Variants in RPS19 observed in about 807,000 individuals in gnomAD.
The protein encoded by RPS19 is small ribosomal subunit protein eS19.
A neutral mutation model predicts 20.3 loss-of-function variants in RPS19; 1 was observed. The ratio of observed to expected loss-of-function variants is 0.05; its 90% confidence interval spans 0.02 to 0.23. RPS19 has a LOEUF of 0.23. RPS19 is among the 10% of genes least tolerant of loss of function. RPS19 has a pLI of 1.00. For synonymous variants in RPS19, 87 were observed against 74.8 expected, an observed-to-expected ratio of 1.16 and a Z score of -0.84; for missense variants, 111 against 192.7, an observed-to-expected ratio of 0.58 and a Z score of 2.51.
In RPS19 at chr19:41,871,661, G is replaced by A; in HGVS notation, c.*284G>A. On this transcript the variant is annotated 3_prime_UTR_variant, in exon 6 of 6. Coordinates refer to ENST00000598742, the MANE Select transcript of RPS19 (RefSeq NM_001022.4). ...CTTCCCTTGGGTGAGGGGGCCCAGG[G>A]TGATTGGGTGGCTGTTTACCCGGCA... The A allele has an allele frequency of 2.3e-6, 1 of 437,792 alleles. No homozygotes were observed. The highest frequency in any genetic ancestry group is 4.2e-6 in the Non-Finnish European group (1 of 238,652). 27.1% of individuals were successfully genotyped at this position (437,792 alleles called of 1,614,324 possible).
At chr19:41,870,574 CAGTG>C (rs141340575) in intron 5 of RPS19, among the ~76,000 whole-genome samples, 3,083 of 152,188 alleles carry the variant, frequency 0.02, 110 homozygotes, top group African/African-American at 0.069. Context: ...AGTGAGGAGT[CAGTG>C]AGCTATAGTA....
chr19:41,871,775 G>A lies in RPS19; in HGVS notation c.*398G>A, dbSNP rs908837887. On this transcript the variant is annotated 3_prime_UTR_variant, in exon 6 of 6. Transcript: ENST00000598742. ...CTTGTGGCTCACTCCCCCACATCCT[G>A]TCTTTGCAATTGTCAGAAAGTGAGA... 2 of 242,702 alleles carry A rather than the reference G, an allele frequency of 8.2e-6. No individual in the cohort carries two copies. Among genetic ancestry groups the A allele is most frequent in the East Asian group, 2.1e-4 (2 of 9,358 alleles). 15.0% of individuals were successfully genotyped at this position (242,702 alleles called of 1,614,324 possible). A position where few individuals can be genotyped will look rare whatever the true frequency, so the allele number is the denominator to read the frequency against.
intron 1 of RPS19, 50 bp from the exon 2 acceptor site, chr19:41,860,725 G>A (rs782701061): frequency 1.5e-6 from 2 of 1,371,462 alleles, no homozygotes; most frequent in Non-Finnish European, 2.1e-6. Flanking sequence ...CGTGCTCTTG[G>A]CAGTCGTCTC....
At chr19:41,863,080 G>A (rs1052446552) in intron 3 of RPS19, among the ~76,000 whole-genome samples, 2 of 152,200 alleles carry the variant, frequency 1.3e-5, no homozygotes, top group Non-Finnish European at 1.5e-5. Context: ...TTGGAGTGCA[G>A]TGGCACAATT....
chr19:41,861,381 A>G, intron 3 of RPS19, 169 bp downstream of exon 3: 1 of 642,596 alleles, frequency 1.6e-6, no homozygotes, highest in South Asian at 1.7e-5. Flanking sequence ...TGGTACTCCA[A>G]GTTTTTATGA....
At chr19:41,868,883 G>A in intron 3 of RPS19, 148 bp from the exon 4 acceptor site, 1 of 824,336 alleles carries the variant, frequency 1.2e-6, no homozygotes, top group South Asian at 1.7e-5. Flanking sequence ...GGTGGGTGAG[G>A]AGAGGGGGCT....
intron 4 of RPS19, 143 bp downstream of exon 4, chr19:41,869,357 C>A: frequency 1.2e-6 from 1 of 815,738 alleles, no homozygotes; most frequent in Non-Finnish European, 1.9e-6. Flanking sequence ...TGCAGAAAAG[C>A]AAACAGCACG....
chr19:41,868,462 G>A (rs181488137), intron 3 of RPS19, among the ~76,000 whole-genome samples: 47 of 152,328 alleles, frequency 3.1e-4, no homozygotes, highest in African/African-American at 8.9e-4. Flanking sequence ...GCGTGCAAGC[G>A]TTTCTGGGGA....
rs1555839086 is a variant in RPS19 at position 41,860,861 on chromosome 19, G to A, written c.71+16G>A. ...TCCTCAAAAAGTGAGTTTGGGGACT[G>A]AGGTTCAAAACGGGTGGAGGCTGTC... On this transcript the variant is annotated intron_variant, in intron 2 of 5. Transcript: ENST00000598742. 1 of 1,609,132 alleles carries A rather than the reference G, an allele frequency of 6.2e-7. No homozygotes were observed. Among genetic ancestry groups the A allele is most frequent in the African/African-American group, 1.3e-5 (1 of 74,828 alleles).
chr19:41,862,618 CTG>C (rs1392957647), intron 3 of RPS19, among the ~76,000 whole-genome samples: 1 of 149,242 alleles, frequency 6.7e-6, no homozygotes, highest in Non-Finnish European at 1.5e-5. Flanking sequence ...CAAAGTAGGA[CTG>C]TATGTGTCTT....
At chr19:41,867,841 G>A (rs2074106186) in intron 3 of RPS19, among the ~76,000 whole-genome samples, 1 of 152,210 alleles carries the variant, frequency 6.6e-6, no homozygotes, top group African/African-American at 2.4e-5. Flanking sequence ...CTAATACGGT[G>A]TAAATAATTG....
In RPS19 at chr19:41,869,759, G is replaced by T. The variant is rs138397598; in HGVS notation, c.411+6G>T. On this transcript the variant is annotated splice_donor_region_variant and intron_variant, in intron 5 of 5. Coordinates refer to ENST00000598742, the MANE Select transcript of RPS19 (RefSeq NM_001022.4). ...TGGACAGAATCGCCGGACAGGTAAG[G>T]CCTGCGTTTGGGGTGGGGCTGGGTC... 3 of 1,613,924 alleles carry T rather than the reference G, an allele frequency of 1.9e-6. No homozygotes were observed. The highest frequency in any genetic ancestry group is 1.3e-5 in the African/African-American group (1 of 74,936).
intron 3 of RPS19, among the ~76,000 whole-genome samples, chr19:41,865,758 C>G (rs1335846104): frequency 6.6e-6 from 1 of 150,820 alleles, no homozygotes; most frequent in African/African-American, 2.4e-5. Context: ...ACCATCCTGG[C>G]TAACATGGTG....
rs782271090 is a variant in RPS19, at chr19:41,861,087, G to A, written c.72-25G>A. The stretch of plus-strand genomic sequence containing the variant: ...TAGTTTGTGGAGATGACTGAATCGT[G>A]CTTTTCCCACTGTTTTGGTCTTAGG... On this transcript the variant is annotated intron_variant, in intron 2 of 5. Transcript: ENST00000598742. 3.4e-5 allele frequency: 54 copies of A among 1,580,444 alleles called. 1 individual carries two copies. The highest frequency in any genetic ancestry group is 4.7e-5 in the Non-Finnish European group (54 of 1,149,770).
chr19:41,867,461 C>T (rs1383111946), intron 3 of RPS19, among the ~76,000 whole-genome samples: 2 of 152,002 alleles, frequency 1.3e-5, no homozygotes, highest in Non-Finnish European at 2.9e-5. Context: ...GCGGGTGTGC[C>T]ACCACACCTG....
At chr19:41,871,325 T>C (rs979669438) in intron 5 of RPS19, 26 bp from the exon 6 acceptor site, 1 of 1,613,138 alleles carries the variant, frequency 6.2e-7, no homozygotes, top group African/African-American at 1.3e-5. Flanking sequence ...CTTGACTAAC[T>C]TTTATTCTTC....
At chr19:41,871,041 T>G (rs1555841887) in intron 5 of RPS19, among the ~76,000 whole-genome samples, 1 of 151,764 alleles carries the variant, frequency 6.6e-6, no homozygotes, top group East Asian at 1.9e-4. Flanking sequence ...TTTTATATTT[T>G]TAGTAGAGAC....
Position 41,871,545 on chromosome 19 carries a change from G to A in RPS19, c.*168G>A. 1 of 659,842 alleles carries A rather than the reference G, an allele frequency of 1.5e-6. No individual in the cohort carries two copies. The highest frequency in any genetic ancestry group is 1.6e-5 in the South Asian group (1 of 61,912). 40.9% of individuals were successfully genotyped at this position (659,842 alleles called of 1,614,324 possible). On this transcript the variant is annotated 3_prime_UTR_variant, in exon 6 of 6. Transcript: ENST00000598742. Reference sequence around the variant, plus strand: ...GATTCTCCTGCCTCAGCCTCCCAAAGTGCTGGGATTACAAGTGTGAGCCAC... The same window carrying A: ...GATTCTCCTGCCTCAGCCTCCCAAAATGCTGGGATTACAAGTGTGAGCCAC...
Position 41,862,153 on chromosome 19 carries a change from G to A in RPS19, c.172+941G>A, listed in dbSNP as rs147536357. Among the ~76,000 whole-genome samples the A allele has an allele frequency of 1.9e-3, 294 of 152,250 alleles. 3 individuals are homozygous for A. Among genetic ancestry groups the A allele is most frequent in the African/African-American group, 6.3e-3 (260 of 41,554 alleles). The stretch of plus-strand genomic sequence containing the variant: ...AGGTGGGAAGCAGGGTTTGGAAATC[G>A]GCAAAACTCCTCCATGACCCGGAAA... On this transcript the variant is annotated intron_variant, in intron 3 of 5. Transcript: ENST00000598742.
Sources: allele counts gnomAD v4.1 joint callset (sites outside exome capture counted in the v4.1 genomes callset), GRCh38; gene constraint gnomAD v4.1.1; transcripts MANE v1.5; gene names NCBI Gene and HGNC (gene_info 2026-07-23, HGNC 2026-07-21).